The following DACH1 variants were observed in gnomAD, a reference collection of about 807,000 sequenced individuals.
DACH1 encodes the protein dachshund family transcription factor 1, also known as dachshund homolog 1.
In DACH1, 12 loss-of-function variants were observed where a neutral mutation model predicts 54.2. The observed-to-expected ratio is 0.22, with a 90% confidence interval of 0.14 to 0.36. The LOEUF (loss-of-function observed/expected upper bound fraction) is 0.36, where lower values mean the gene tolerates loss of function less well. Ranked by LOEUF, DACH1 falls within the 10% of genes least tolerant of loss-of-function variation. DACH1 has a pLI of 1.00. For missense variants in DACH1, 805 were observed against 929.8 expected (o/e 0.87, Z 1.75); for synonymous variants, 386 against 366.2 (o/e 1.05, Z -0.62).
intron 1 of DACH1, among the ~76,000 whole-genome samples, chr13:71,815,608 T>A (rs998552955): frequency 2.0e-5 from 3 of 152,202 alleles, no homozygotes; most frequent in Non-Finnish European, 4.4e-5. Flanking sequence ...AACACTGATT[T>A]GAGTGATTTT....
At position 71,866,359 on chromosome 13, in the gene DACH1, G is replaced by A. The variant is rs956726263; in HGVS notation, c.411C>T (p.Ser137=). 2.0e-6 allele frequency: 3 copies of A among 1,525,042 alleles called. No homozygotes were observed. The African/African-American group carries it at 4.2e-5, about 21-fold the overall frequency. The allele number at this position is 1,525,042 out of a possible 1,614,324, so 94.5% of individuals were successfully genotyped here. The change falls in exon 1 of 11, where the codon AGC becomes AGT. Residue 137 remains serine (S), a synonymous_variant. Coordinates refer to ENST00000613252, the MANE Select transcript of DACH1 (RefSeq NM_080759.6). ...TACTGCTGCTGCTGCTGCTGCCGGT[G>A]CTGGCGTTGATGGGGGTGCTGGAAG... is the stretch of plus-strand genomic sequence containing the variant. The part of the protein sequence containing the change: ...GVASSTPINA[S]TGSSSSSSSS...
intron 1 of DACH1, among the ~76,000 whole-genome samples, chr13:71,735,946 T>G (rs1186431278): frequency 6.6e-6 from 1 of 152,106 alleles, no homozygotes; most frequent in South Asian, 2.1e-4. Context: ...TTTTGGCAGC[T>G]GCAAATGATT....
intron 6 of DACH1, among the ~76,000 whole-genome samples, chr13:71,538,046 T>A (rs1431854911): frequency 6.6e-6 from 1 of 152,082 alleles, no homozygotes; most frequent in African/African-American, 2.4e-5. Flanking sequence ...TCTACTTCTC[T>A]AGACCAGCAA....
chr13:71,762,557 AG>A (rs1239712916), intron 1 of DACH1, among the ~76,000 whole-genome samples: 3 of 152,126 alleles, frequency 2.0e-5, no homozygotes, highest in African/African-American at 7.2e-5. Context: ...ACTTGAGGTC[AG>A]GAGTTTGAGA....
At chr13:71,610,996 A>G (rs1340645425) in intron 3 of DACH1, among the ~76,000 whole-genome samples, 2 of 152,220 alleles carry the variant, frequency 1.3e-5, no homozygotes, top group Admixed American at 6.5e-5. Flanking sequence ...TGAGCCCCAT[A>G]CACACAAAGC....
chr13:71,859,173 C>A (rs79596683), intron 1 of DACH1, among the ~76,000 whole-genome samples: 6 of 151,872 alleles, frequency 4.0e-5, no homozygotes, highest in Non-Finnish European at 8.9e-5. Flanking sequence ...AATCCTGGAT[C>A]AATTCCAAGC....
At chr13:71,706,769 C>T (rs906599808) in intron 1 of DACH1, among the ~76,000 whole-genome samples, 1 of 151,998 alleles carries the variant, frequency 6.6e-6, no homozygotes, top group Non-Finnish European at 1.5e-5. Context: ...TGTTAAAATG[C>T]ATTAATTCTC....
chr13:71,526,843 T>TA (rs1342734892), intron 6 of DACH1, among the ~76,000 whole-genome samples: 2 of 151,780 alleles, frequency 1.3e-5, no homozygotes, highest in Non-Finnish European at 2.9e-5. Flanking sequence ...GAATTATTGT[T>TA]AGACATTTAA....
rs776696278 is a variant in DACH1, at chr13:71,479,252, G to T, written c.1787C>A (p.Thr596Asn). ...CCTTAAAAAATCCATCTTCAGCTCA[G>T]TTTTTTCCAGTTGGACCTGTTTCTC... Reference protein sequence around the residue: ...AQEKQVQLEKTELKMDFLRER... With the variant: ...AQEKQVQLEKNELKMDFLRER... Residue 596 changes from threonine to asparagine, a missense_variant, in exon 8 of 11, where the codon ACT becomes AAT. By Grantham distance (65) the Thr-to-Asn change is moderately conservative. Transcript: ENST00000613252. The T allele has an allele frequency of 6.2e-7, 1 of 1,613,658 alleles. No individual in the cohort carries two copies.
chr13:71,513,827 G>A (rs1392729510), intron 6 of DACH1, among the ~76,000 whole-genome samples: 1 of 152,018 alleles, frequency 6.6e-6, no homozygotes, highest in African/African-American at 2.4e-5. Context: ...TGGTAGATTT[G>A]TTCTCTGTGT....
chr13:71,866,804 C>A lies in DACH1; in HGVS notation c.-35G>T. On this transcript the variant is annotated 5_prime_UTR_variant, in exon 1 of 11. Coordinates refer to ENST00000613252, the MANE Select transcript of DACH1 (RefSeq NM_080759.6). ...TAAGGGGAAACAGACGGAGGAGAAG[C>A]GAGAGGAAAAGTTGCCACACACCCC... 7.7e-7 allele frequency: 1 copy of A among 1,292,228 alleles called. No individual in the cohort carries two copies. 80.0% of individuals were successfully genotyped at this position (1,292,228 alleles called of 1,614,324 possible). A position where few individuals can be genotyped will look rare whatever the true frequency, so the allele number is the denominator to read the frequency against.
chr13:71,754,115 A>G (rs115347960), intron 1 of DACH1, among the ~76,000 whole-genome samples: 2,482 of 151,916 alleles, frequency 0.016, 44 homozygotes, highest in African/African-American at 0.04. Flanking sequence ...TCTTTTTTTC[A>G]TATCCTGTTT....
intron 1 of DACH1, among the ~76,000 whole-genome samples, chr13:71,695,264 C>T (rs1200432472): frequency 2.0e-5 from 3 of 152,152 alleles, no homozygotes; most frequent in Admixed American, 6.5e-5. Flanking sequence ...ACTTCAAATG[C>T]GTCCTCTCTT....
At chr13:71,829,048 C>T (rs76237138) in intron 1 of DACH1, among the ~76,000 whole-genome samples, 7,636 of 151,972 alleles carry the variant, frequency 0.05, 589 homozygotes, top group East Asian at 0.22. Context: ...TATGTACTAA[C>T]GTAAGAAAGT....
intron 3 of DACH1, among the ~76,000 whole-genome samples, chr13:71,591,420 T>A (rs1311791644): frequency 6.6e-6 from 1 of 152,112 alleles, no homozygotes; most frequent in Non-Finnish European, 1.5e-5. Context: ...GTTACCACAT[T>A]AGAAAGGAAA....
At chr13:71,585,842 T>C (rs554327779) in intron 3 of DACH1, among the ~76,000 whole-genome samples, 2 of 152,046 alleles carry the variant, frequency 1.3e-5, no homozygotes, top group African/African-American at 2.4e-5. Flanking sequence ...CACATTGACA[T>C]TGATATGACC....
At chr13:71,709,781 A>G (rs751550659) in intron 1 of DACH1, among the ~76,000 whole-genome samples, 27 of 152,198 alleles carry the variant, frequency 1.8e-4, no homozygotes, top group Non-Finnish European at 3.4e-4. Context: ...AATCCACTGA[A>G]GGTCTGGAAA....
At chr13:71,635,941 T>C in intron 2 of DACH1, among the ~76,000 whole-genome samples, 1 of 152,066 alleles carries the variant, frequency 6.6e-6, no homozygotes. Context: ...CCACCAGGTC[T>C]GGCTAATTTT....
intron 1 of DACH1, among the ~76,000 whole-genome samples, chr13:71,714,180 A>G (rs1648857492): frequency 6.6e-6 from 1 of 152,058 alleles, no homozygotes; most frequent in Non-Finnish European, 1.5e-5. Flanking sequence ...AAACAGTTTC[A>G]GTGGTTCCAA....
Sources: allele counts gnomAD v4.1 joint callset (sites outside exome capture counted in the v4.1 genomes callset), GRCh38; gene constraint gnomAD v4.1.1; transcripts MANE v1.5; gene names NCBI Gene and HGNC (gene_info 2026-07-23, HGNC 2026-07-21).